The following DENND5B variants were observed in gnomAD, a reference collection of about 807,000 sequenced individuals.
DENND5B encodes DENN domain containing 5B, also known as DENN domain-containing protein 5B.
DENND5B carries 34 observed loss-of-function variants against 140.6 expected under a neutral mutation model. That is an observed-to-expected ratio of 0.24 (90% CI 0.18 to 0.32). The LOEUF (loss-of-function observed/expected upper bound fraction) is 0.32. Ranked by LOEUF, DENND5B falls within the 10% of genes least tolerant of loss-of-function variation. The pLI, the probability that DENND5B is intolerant of heterozygous loss-of-function variation, is 1.00. For synonymous variants in DENND5B, 551 were observed against 562.1 expected, an observed-to-expected ratio of 0.98 and a Z score of 0.28; for missense variants, 1,142 against 1,560.2, an observed-to-expected ratio of 0.73 and a Z score of 4.52.
intron 8 of DENND5B, among the ~76,000 whole-genome samples, chr12:31,428,233 T>C (rs770991304): frequency 6.6e-6 from 1 of 150,720 alleles, no homozygotes; most frequent in Non-Finnish European, 1.5e-5. Context: ...TCCCAGCTAC[T>C]CGGGAGGCTG....
intron 1 of DENND5B, among the ~76,000 whole-genome samples, chr12:31,547,059 C>T (rs1186572036): frequency 6.6e-6 from 1 of 152,206 alleles, no homozygotes. Flanking sequence ...CTTTTTTCCT[C>T]TAGAGTTTCT....
intron 1 of DENND5B, among the ~76,000 whole-genome samples, chr12:31,541,508 A>G (rs1255874336): frequency 6.6e-6 from 1 of 152,248 alleles, no homozygotes; most frequent in Non-Finnish European, 1.5e-5. Flanking sequence ...ATATAATCTC[A>G]TCCCAGTTAA....
intron 1 of DENND5B, among the ~76,000 whole-genome samples, chr12:31,564,007 C>T (rs936507234): frequency 6.6e-6 from 1 of 152,100 alleles, no homozygotes; most frequent in Non-Finnish European, 1.5e-5. Context: ...ATCCCAGCTA[C>T]TAGGGAGGCT....
At chr12:31,585,460 T>C (rs1950365186) in intron 1 of DENND5B, among the ~76,000 whole-genome samples, 1 of 152,220 alleles carries the variant, frequency 6.6e-6, no homozygotes, top group Admixed American at 6.5e-5. Context: ...AGCACAGTCT[T>C]GACTATGACA....
At chr12:31,575,784 G>A (rs1949992716) in intron 1 of DENND5B, among the ~76,000 whole-genome samples, 1 of 151,882 alleles carries the variant, frequency 6.6e-6, no homozygotes, top group Non-Finnish European at 1.5e-5. Context: ...GTGACCCCAT[G>A]TCTACAAAAA....
chr12:31,418,540 T>C (rs573619287), intron 11 of DENND5B, among the ~76,000 whole-genome samples: 114 of 151,168 alleles, frequency 7.5e-4, no homozygotes, highest in Admixed American at 2.1e-3. Context: ...GCGATCTGCC[T>C]GCCTCGGCCT....
chr12:31,508,238 G>A (rs1947276660), intron 1 of DENND5B, among the ~76,000 whole-genome samples: 1 of 152,098 alleles, frequency 6.6e-6, no homozygotes, highest in Non-Finnish European at 1.5e-5. Context: ...AGGTAAAGTA[G>A]ACCTTTCCCT....
chr12:31,466,979 CA>C, intron 3 of DENND5B, among the ~76,000 whole-genome samples: 1 of 151,932 alleles, frequency 6.6e-6, no homozygotes, highest in African/African-American at 2.4e-5. Context: ...GAGAGTCATT[CA>C]TTAGAATGAC....
At chr12:31,477,377 A>G (rs944595047) in intron 3 of DENND5B, 4 of 152,208 alleles carry the variant, frequency 2.6e-5, no homozygotes, top group African/African-American at 9.6e-5. Context: ...TTAAGGTAAA[A>G]TTTTTCAGAT....
chr12:31,558,502 C>T (rs1322308892), intron 1 of DENND5B, among the ~76,000 whole-genome samples: 1 of 152,194 alleles, frequency 6.6e-6, no homozygotes, highest in Non-Finnish European at 1.5e-5. Flanking sequence ...GCATAAGACC[C>T]AAATAACTTC....
chr12:31,582,495 G>A (rs536686288), intron 1 of DENND5B, among the ~76,000 whole-genome samples: 9 of 152,276 alleles, frequency 5.9e-5, no homozygotes, highest in African/African-American at 2.2e-4. Context: ...AGTAAGAAGA[G>A]CAAAGAGGTT....
chr12:31,534,885 C>A, intron 1 of DENND5B: 2 of 406,532 alleles, frequency 4.9e-6, no homozygotes, highest in Admixed American at 3.1e-5. Context: ...TCTCCTTTCC[C>A]AGCAGCAAGA....
rs1940908198 is a variant in DENND5B at position 31,387,610 on chromosome 12, T to C, written c.3818A>G (p.Asp1273Gly). Residue 1273 changes from aspartate (D) to glycine (G), a missense_variant, in exon 21 of 21, where the codon GAT becomes GGT. By Grantham distance (94) the Asp-to-Gly change is moderately conservative. Coordinates refer to ENST00000389082, the MANE Select transcript of DENND5B (RefSeq NM_144973.4). Reference protein sequence around the residue: ...VLEGSLIKGVDV With the variant: ...VLEGSLIKGVGV ...AGTTTCTAGCCAGTTGGGTTACACA[T>C]CCACTCCTTTGATGAGTGATCCTTC... 6.2e-7 allele frequency: 1 copy of C among 1,613,206 alleles called. No individual in the cohort carries two copies. The highest frequency in any genetic ancestry group is 1.1e-5 in the South Asian group (1 of 90,970).
At chr12:31,549,884 C>T (rs139472906) in intron 1 of DENND5B, among the ~76,000 whole-genome samples, 1 of 152,144 alleles carries the variant, frequency 6.6e-6, no homozygotes, top group Non-Finnish European at 1.5e-5. Context: ...GGGTTGATTC[C>T]ACGTCTTTGC....
chr12:31,550,701 T>C (rs1255673930), intron 1 of DENND5B, among the ~76,000 whole-genome samples: 2 of 152,192 alleles, frequency 1.3e-5, no homozygotes, highest in Non-Finnish European at 2.9e-5. Flanking sequence ...AGTGTTCCTA[T>C]TTCTCCACAT....
chr12:31,497,488 TG>T (rs2138766381), intron 1 of DENND5B, among the ~76,000 whole-genome samples: 1 of 152,092 alleles, frequency 6.6e-6, no homozygotes, highest in South Asian at 2.1e-4. Context: ...AGCAGAGGAA[TG>T]TGAAACTGTC....
chr12:31,574,483 G>A (rs1201416822), intron 1 of DENND5B, among the ~76,000 whole-genome samples: 1 of 151,962 alleles, frequency 6.6e-6, no homozygotes, highest in East Asian at 1.9e-4. Flanking sequence ...CCAGCTACTC[G>A]AGAGGCTGAG....
chr12:31,568,977 T>G (rs953557599), intron 1 of DENND5B, among the ~76,000 whole-genome samples: 2 of 151,604 alleles, frequency 1.3e-5, no homozygotes, highest in African/African-American at 2.4e-5. Flanking sequence ...CTTGAACTCC[T>G]GGGCTCAAGC....
chr12:31,493,827 TCAAAAA>T (rs1018276835), intron 2 of DENND5B, among the ~76,000 whole-genome samples: 10 of 152,174 alleles, frequency 6.6e-5, no homozygotes, highest in Non-Finnish European at 1.2e-4. Flanking sequence ...CGAGACTATC[TCAAAAA>T]CAAAAACAAA....
Sources: allele counts gnomAD v4.1 joint callset (sites outside exome capture counted in the v4.1 genomes callset), GRCh38; gene constraint gnomAD v4.1.1; transcripts MANE v1.5; gene names NCBI Gene and HGNC (gene_info 2026-07-23, HGNC 2026-07-21).